Variants in PPP2R5B observed in about 807,000 individuals in gnomAD.
PPP2R5B encodes the protein serine/threonine-protein phosphatase 2A 56 kDa regulatory subunit beta isoform.
A neutral mutation model predicts 59.9 loss-of-function variants in PPP2R5B; 19 were observed. That is an observed-to-expected ratio of 0.32 (90% CI 0.22 to 0.47). PPP2R5B has a LOEUF of 0.47. PPP2R5B is among the 20% of genes least tolerant of loss of function. PPP2R5B has a pLI of 1.00. For synonymous variants in PPP2R5B, 286 were observed against 260.5 expected (o/e 1.10, Z -0.94); for missense variants, 441 against 640.2 (o/e 0.69, Z 3.36).
At chr11:64,919,002 A>G (rs945816909) in intron 1 of PPP2R5B, among the ~76,000 whole-genome samples, 1 of 152,152 alleles carries the variant, frequency 6.6e-6, no homozygotes, top group Non-Finnish European at 1.5e-5. Flanking sequence ...ACCTGGAAGG[A>G]GCAGGCTCCA....
chr11:64,927,774 C>T (rs1945184023), intron 3 of PPP2R5B, 28 bp from the exon 4 acceptor site: 2 of 1,523,898 alleles, frequency 1.3e-6, no homozygotes, highest in Non-Finnish European at 9.1e-7. Context: ...AGGGCTTTTC[C>T]TTAATGAACC....
chr11:64,933,044 G>A, intron 12 of PPP2R5B, 101 bp from the exon 13 acceptor site: 1 of 1,492,796 alleles, frequency 6.7e-7, no homozygotes, highest in Non-Finnish European at 9.3e-7. Flanking sequence ...AGTGGGCAGT[G>A]CTTGTGTTCA....
rs1945155460 is a variant in PPP2R5B at position 64,925,744 on chromosome 11, A to G, written c.10A>G (p.Lys4Glu). 2.5e-6 allele frequency: 4 copies of G among 1,591,516 alleles called. No individual in the cohort carries two copies. The highest frequency in any genetic ancestry group is 3.4e-6 in the Non-Finnish European group (4 of 1,166,128). MET[K>E]LPPASTPTSP... ...CTGCCGCCTGACCGCCATGGAGACG[A>G]AGCTGCCCCCTGCAAGCACCCCCAC... Residue 4 changes from lysine to glutamate, a missense_variant, in exon 2 of 14, where the codon AAG (lysine) becomes GAG (glutamate). By Grantham distance (56) the Lys-to-Glu change is moderately conservative. Around this residue, in one of 3 missense-constraint regions of PPP2R5B, gnomAD observed 103 missense variants for 87.9 expected, o/e 1.17. Coordinates refer to ENST00000164133, the MANE Select transcript of PPP2R5B (RefSeq NM_006244.4). This position sits in a 1 kb window ranked among gnomAD's most constrained non-coding sequence, Gnocchi z 4.6.
intron 7 of PPP2R5B, 23 bp from the exon 8 acceptor site, chr11:64,930,458 C>T (rs771108163): frequency 6.2e-7 from 1 of 1,613,892 alleles, no homozygotes; most frequent in Non-Finnish European, 8.5e-7. Context: ...GAGCCCTCTT[C>T]CTCTCTTCTG....
intron 3 of PPP2R5B, 90 bp from the exon 4 acceptor site, chr11:64,927,712 A>C: frequency 9.6e-7 from 1 of 1,039,924 alleles, no homozygotes; most frequent in Non-Finnish European, 1.4e-6. Context: ...GTCTTGGGAA[A>C]GAAAAAAAAA....
At chr11:64,919,800 C>T (rs919165438), upstream of PPP2R5B, among the ~76,000 whole-genome samples, 5 of 152,132 alleles carry the variant, frequency 3.3e-5, no homozygotes, top group Admixed American at 3.3e-4. Context: ...TGTTACTTTA[C>T]GTGCACGATC....
rs750508452 is a variant in PPP2R5B, at chr11:64,925,969, C to T, written c.199+36C>T. 1.8e-5 allele frequency: 28 copies of T among 1,587,618 alleles called. No homozygotes were observed. In the South Asian group the frequency reaches 2.9e-4, roughly 17 times the overall value. ...TGCTGGCCACTGGGGGAACCGAACC[C>T]CCGAGGGGACCAGCAGGGCCATGGG... On this transcript the variant is annotated intron_variant, in intron 2 of 13. Coordinates refer to ENST00000164133, the MANE Select transcript of PPP2R5B (RefSeq NM_006244.4). This position sits in a 1 kb window ranked among gnomAD's most constrained non-coding sequence, Gnocchi z 4.6.
At position 64,924,884 on chromosome 11, in the gene PPP2R5B, C is replaced by G. The variant is rs61024397; in HGVS notation, c.-409C>G. ...GTTGGGGGCATGCTCTAGCCGCCCCCCCGGAGCCCGGGAGAGAACCCAGGA... is the reference window on the plus strand; with the variant it reads ...GTTGGGGGCATGCTCTAGCCGCCCCGCCGGAGCCCGGGAGAGAACCCAGGA... On this transcript the variant is annotated 5_prime_UTR_variant, in exon 1 of 14. Transcript: ENST00000164133. 6.6e-6 allele frequency: 1 copy of G among 152,404 alleles called. No homozygotes were observed. The highest frequency in any genetic ancestry group is 1.9e-4 in the East Asian group (1 of 5,202). 9.4% of individuals were successfully genotyped at this position (152,404 alleles called of 1,614,324 possible).
In PPP2R5B at chr11:64,934,311, C is replaced by T. The variant is rs1236871356; in HGVS notation, c.*467C>T. On this transcript the variant is annotated 3_prime_UTR_variant, in exon 14 of 14. Transcript: ENST00000164133. ...CTGGGTGCACACTCCTCCCTTCCCTCGCTGTGTACTTCCTTGTCCCCTTTT... is the reference window on the plus strand; with the variant it reads ...CTGGGTGCACACTCCTCCCTTCCCTTGCTGTGTACTTCCTTGTCCCCTTTT... 9 of 255,570 alleles carry T rather than the reference C, an allele frequency of 3.5e-5. No homozygotes were observed. Among genetic ancestry groups the T allele is most frequent in the East Asian group, 2.0e-4 (2 of 10,070 alleles). 15.8% of individuals were successfully genotyped at this position (255,570 alleles called of 1,614,324 possible).
chr11:64,933,415 G>A lies in PPP2R5B; in HGVS notation c.1346+169G>A, dbSNP rs111564381. ...TGACTGTCTGCCCCTGTATCCTCCC[G>A]TCATTCTTCGAGTAGCTCAGACTTG... On this transcript the variant is annotated intron_variant, in intron 13 of 13. Coordinates refer to ENST00000164133, the MANE Select transcript of PPP2R5B (RefSeq NM_006244.4). Among the ~76,000 whole-genome samples, 221 of 152,198 alleles carry A rather than the reference G, an allele frequency of 1.5e-3. 1 individual carries two copies. Among genetic ancestry groups the A allele is most frequent in the African/African-American group, 3.7e-3 (153 of 41,488 alleles).
Position 64,928,115 on chromosome 11 carries a change from C to CA in PPP2R5B, c.548_549insA (p.Ser184LeufsTer20). ...TTCTTGGAGAGCCCAGACTTCCAGC[C>CA]CTCCGTGGCCAAGAGATATGTGGAT... On this transcript the variant is annotated frameshift_variant, in exon 5 of 14. Coordinates refer to ENST00000164133, the MANE Select transcript of PPP2R5B (RefSeq NM_006244.4). LOFTEE classifies it high-confidence loss of function. The CA allele has an allele frequency of 6.2e-7, 1 of 1,614,200 alleles. No homozygotes were observed. Among genetic ancestry groups the CA allele is most frequent in the South Asian group, 1.1e-5 (1 of 91,076 alleles).
At chr11:64,920,337 G>A (rs1017529358), upstream of PPP2R5B, among the ~76,000 whole-genome samples, 12 of 152,164 alleles carry the variant, frequency 7.9e-5, no homozygotes, top group Admixed American at 2.0e-4. Flanking sequence ...TCTCTTAGGG[G>A]TTGGTGCCTG....
chr11:64,932,658 G>A (rs1945239374), intron 11 of PPP2R5B, 107 bp from the exon 12 acceptor site: 2 of 1,382,642 alleles, frequency 1.4e-6, no homozygotes, highest in South Asian at 1.3e-5. Context: ...AAGGTGGGGT[G>A]TGTGAAGGTC....
rs1204682464 is a variant in PPP2R5B, at chr11:64,925,829, C to T, written c.95C>T (p.Ser32Phe). The T allele has an allele frequency of 5.6e-6, 9 of 1,609,154 alleles. No individual in the cohort carries two copies. Among genetic ancestry groups the T allele is most frequent in the Non-Finnish European group, 7.6e-6 (9 of 1,178,716 alleles). ...CCACCCGACAAGGTGGACGGCTTCT[C>T]CCGCCGTTCCCTCCGCAGAGCCCGG... ...VPPPDKVDGF[S>F]RRSLRRARPR... Residue 32 changes from serine to phenylalanine, a missense_variant, in exon 2 of 14, where the codon TCC becomes TTC. Transcript: ENST00000164133. The surrounding 1 kb of genome is among the most constrained non-coding windows in gnomAD (Gnocchi z 4.6).
At position 64,925,855 on chromosome 11, in the gene PPP2R5B, C is replaced by A; in HGVS notation, c.121C>A (p.Pro41Thr). ...FSRRSLRRAR[P>T]RRSHSSSQFR... ...CCGCCGTTCCCTCCGCAGAGCCCGG[C>A]CCCGCCGCTCCCACAGCTCCTCTCA... The change falls in exon 2 of 14, where the codon CCC becomes ACC. Residue 41 changes from proline to threonine, a missense_variant. By Grantham distance (38) the Pro-to-Thr change is conservative. This residue lies in a region of PPP2R5B where 103 missense variants were observed against 87.9 expected (regional missense o/e 1.17). Transcript: ENST00000164133. The surrounding 1 kb of genome is among the most constrained non-coding windows in gnomAD (Gnocchi z 4.6). 6.2e-7 allele frequency: 1 copy of A among 1,611,508 alleles called. No individual in the cohort carries two copies. The highest frequency in any genetic ancestry group is 8.5e-7 in the Non-Finnish European group (1 of 1,179,806).
In PPP2R5B at chr11:64,925,654, T is replaced by C; in HGVS notation, c.-81T>C. The C allele has an allele frequency of 1.8e-6, 1 of 570,478 alleles. No homozygotes were observed. Among genetic ancestry groups the C allele is most frequent in the Middle Eastern group, 3.0e-4 (1 of 3,282 alleles). The allele number at this position is 570,478 out of a possible 1,614,324, so 35.3% of individuals were successfully genotyped here. On this transcript the variant is annotated 5_prime_UTR_variant, in exon 2 of 14. Coordinates refer to ENST00000164133, the MANE Select transcript of PPP2R5B (RefSeq NM_006244.4). The surrounding 1 kb of genome is among the most constrained non-coding windows in gnomAD (Gnocchi z 4.6). Reference sequence around the variant, plus strand: ...GCCGGACAGGATGGGACCAAGTTAGTCTGTCCAGTCTCACCCAGCACCTCC... The same window carrying C: ...GCCGGACAGGATGGGACCAAGTTAGCCTGTCCAGTCTCACCCAGCACCTCC...
upstream of PPP2R5B, among the ~76,000 whole-genome samples, chr11:64,922,802 G>C (rs189081486): frequency 3.8e-3 from 574 of 151,856 alleles, 2 homozygotes; most frequent in African/African-American, 0.013. Context: ...GTGAACCCAG[G>C]AGGCGGAGCT....
At chr11:64,924,133 C>G (rs1357360768), upstream of PPP2R5B, 5 of 152,204 alleles carry the variant, frequency 3.3e-5, no homozygotes, top group African/African-American at 1.2e-4. Flanking sequence ...TCACCATAGA[C>G]AGCAAGGGAC....
intron 6 of PPP2R5B, among the ~76,000 whole-genome samples, chr11:64,929,479 A>C (rs1279801849): frequency 6.6e-6 from 1 of 152,220 alleles, no homozygotes; most frequent in Non-Finnish European, 1.5e-5. Flanking sequence ...TAATCCCAGC[A>C]CTTTGGGAGT....
Sources: allele counts gnomAD v4.1 joint callset (sites outside exome capture counted in the v4.1 genomes callset), GRCh38; gene constraint gnomAD v4.1.1; regional missense constraint gnomAD v4.1.1; non-coding constraint Gnocchi (gnomAD v3.1); transcripts MANE v1.5; gene names NCBI Gene and HGNC (gene_info 2026-07-23, HGNC 2026-07-21).